Variants in LINGO2 observed in about 807,000 individuals in gnomAD.
The protein encoded by LINGO2 is leucine rich repeat and Ig domain containing 2, also known as leucine-rich repeat and immunoglobulin-like domain-containing nogo receptor-interacting protein 2.
Under a neutral mutation model 30.6 loss-of-function variants are expected in LINGO2, and 14 were observed. The ratio of observed to expected loss-of-function variants is 0.46; its 90% CI spans 0.30 to 0.72. The LOEUF is 0.72. Ranked by LOEUF, LINGO2 falls within the 30% of genes least tolerant of loss-of-function variation. LINGO2 has a pLI of 0.07. For missense variants in LINGO2, 729 were observed against 751.7 expected, an observed-to-expected ratio of 0.97 and a Z score of 0.35; for synonymous variants, 317 against 288.5, an observed-to-expected ratio of 1.10 and a Z score of -1.00.
exon 6 of LINGO2, chr9:27,948,970 G>C: frequency 6.2e-7 from 1 of 1,613,678 alleles, no homozygotes. Flanking sequence ...CCTTTCCCTC[G>C]GCTCCACACA....
chr9:28,042,968 G>C (rs1824261085), intron 4 of LINGO2, among the ~76,000 whole-genome samples: 1 of 152,144 alleles, frequency 6.6e-6, no homozygotes, highest in Non-Finnish European at 1.5e-5. Context: ...CATTTCTAAA[G>C]AAAACAGGTA....
the LINGO2 span, among the ~76,000 whole-genome samples, chr9:29,145,054 A>G: frequency 6.6e-6 from 1 of 152,170 alleles, no homozygotes; most frequent in Non-Finnish European, 1.5e-5. Context: ...TTTGGTTCCT[A>G]TGTCAGAATA....
chr9:28,705,852 C>T, the LINGO2 span, among the ~76,000 whole-genome samples: 2 of 152,078 alleles, frequency 1.3e-5, no homozygotes, highest in African/African-American at 2.4e-5. Flanking sequence ...TCTCTATATC[C>T]AGTCCGTGTT....
At chr9:28,923,032 G>T in the LINGO2 span, among the ~76,000 whole-genome samples, 1 of 152,014 alleles carries the variant, frequency 6.6e-6, no homozygotes, top group East Asian at 1.9e-4. Flanking sequence ...TTTGAAAAGC[G>T]AGAGAGTCAG....
intron 2 of LINGO2, among the ~76,000 whole-genome samples, chr9:28,425,346 A>ATATAC (rs33924393): frequency 7.3e-6 from 1 of 137,046 alleles, no homozygotes; most frequent in South Asian, 2.4e-4. Flanking sequence ...TATATATATA[A>ATATAC]ACACATACAT....
At chr9:29,186,713 A>G in the LINGO2 span, among the ~76,000 whole-genome samples, 2 of 152,064 alleles carry the variant, frequency 1.3e-5, no homozygotes, top group African/African-American at 2.4e-5. Context: ...ACTAAGGCAT[A>G]CTAGCTACAG....
chr9:28,404,523 G>A (rs1448223184), intron 2 of LINGO2, among the ~76,000 whole-genome samples: 1 of 152,100 alleles, frequency 6.6e-6, no homozygotes, highest in Non-Finnish European at 1.5e-5. Context: ...ACCATAAAAT[G>A]TATGTGATTA....
chr9:29,042,660 T>C, the LINGO2 span, among the ~76,000 whole-genome samples: 175 of 152,022 alleles, frequency 1.2e-3, no homozygotes, highest in African/African-American at 3.8e-3. Context: ...AAAAGAAAAA[T>C]TGCATATATT....
At chr9:28,476,726 T>C (rs970560306) in intron 1 of LINGO2, among the ~76,000 whole-genome samples, 27 of 152,192 alleles carry the variant, frequency 1.8e-4, no homozygotes, top group African/African-American at 6.5e-4. Context: ...GAGACAAGAC[T>C]TGCTGTGTCC....
exon 6 of LINGO2, chr9:27,950,593 C>T: frequency 1.3e-6 from 2 of 1,524,362 alleles, no homozygotes; most frequent in Non-Finnish European, 8.8e-7. Flanking sequence ...GCGGGGCAGC[C>T]AATGGTGGAT....
intron 1 of LINGO2, among the ~76,000 whole-genome samples, chr9:28,496,184 T>C (rs1025743810): frequency 5.3e-5 from 8 of 152,128 alleles, no homozygotes; most frequent in African/African-American, 1.9e-4. Context: ...GTCTGCTTGG[T>C]GCAGAGCTGA....
intron 3 of LINGO2, among the ~76,000 whole-genome samples, chr9:28,307,568 A>C (rs1242185567): frequency 6.6e-6 from 1 of 152,208 alleles, no homozygotes; most frequent in Non-Finnish European, 1.5e-5. Context: ...CAGTGTTGGA[A>C]GTTCTCGCCA....
At chr9:29,110,054 G>A in the LINGO2 span, among the ~76,000 whole-genome samples, 6 of 152,148 alleles carry the variant, frequency 3.9e-5, no homozygotes, top group African/African-American at 1.4e-4. Flanking sequence ...AACAAATTCA[G>A]CCGTGATAAA....
chr9:27,990,921 C>T (rs1411454192), intron 5 of LINGO2, among the ~76,000 whole-genome samples: 2 of 152,036 alleles, frequency 1.3e-5, no homozygotes, highest in Non-Finnish European at 2.9e-5. Context: ...GCTGAACTTG[C>T]TCTCCTGAAG....
the LINGO2 span, among the ~76,000 whole-genome samples, chr9:28,939,723 G>A: frequency 6.6e-6 from 1 of 152,016 alleles, no homozygotes; most frequent in African/African-American, 2.4e-5. Context: ...CTATCTTCAA[G>A]GTAAATACAG....
At chr9:28,030,079 A>G (rs1823590958) in intron 4 of LINGO2, among the ~76,000 whole-genome samples, 3 of 152,194 alleles carry the variant, frequency 2.0e-5, no homozygotes, top group Admixed American at 2.0e-4. Flanking sequence ...TCTGACTTGT[A>G]AGAGCTTCCA....
intron 1 of LINGO2, among the ~76,000 whole-genome samples, chr9:28,660,489 T>C (rs1450667450): frequency 6.6e-6 from 1 of 152,110 alleles, no homozygotes; most frequent in African/African-American, 2.4e-5. Flanking sequence ...AGAAGCAGTA[T>C]GGTTCCATTA....
chr9:28,988,910 A>C, the LINGO2 span, among the ~76,000 whole-genome samples: 15 of 152,284 alleles, frequency 9.9e-5, no homozygotes, highest in African/African-American at 4.8e-5. Flanking sequence ...TGGGATTTTC[A>C]AAACTATGTT....
At chr9:28,402,019 A>C (rs555012801) in intron 2 of LINGO2, among the ~76,000 whole-genome samples, 1 of 151,992 alleles carries the variant, frequency 6.6e-6, no homozygotes, top group Non-Finnish European at 1.5e-5. Context: ...AGTGTTCTTT[A>C]GATTGAAAAA....
Sources: allele counts gnomAD v4.1 joint callset (sites outside exome capture counted in the v4.1 genomes callset), GRCh38; gene constraint gnomAD v4.1.1; transcripts MANE v1.5; gene names NCBI Gene and HGNC (gene_info 2026-07-23, HGNC 2026-07-21).